Variants in ABCC8 observed in about 807,000 individuals in gnomAD.
ABCC8 encodes the protein ATP-binding cassette sub-family C member 8.
ABCC8 carries 137 observed loss-of-function variants against 188.0 expected under a neutral mutation model. The observed-to-expected ratio is 0.73, with a 90% CI of 0.63 to 0.84. The LOEUF is 0.84. ABCC8 is among the 40% of genes least tolerant of loss of function. The pLI is 0.00. For synonymous variants in ABCC8, 797 were observed against 846.5 expected (o/e 0.94, Z 1.01); for missense variants, 1,750 against 2,072.7 (o/e 0.84, Z 3.02).
At chr11:17,435,472 CT>C (rs1564935570) in intron 10 of ABCC8, among the ~76,000 whole-genome samples, 1 of 152,220 alleles carries the variant, frequency 6.6e-6, no homozygotes. Flanking sequence ...GCCACCCCAT[CT>C]TTAGAAACAA....
rs561593131 is a variant in ABCC8, at chr11:17,412,683, C to T, written c.2539G>A (p.Ala847Thr). 43 of 1,611,708 alleles carry T rather than the reference C, an allele frequency of 2.7e-5. 1 individual carries two copies. The highest frequency in any genetic ancestry group is 4.4e-5 in the South Asian group (4 of 90,406). Residue 847 changes from alanine (A) to threonine (T), a missense_variant, in exon 21 of 39, where the codon GCC becomes ACC. By Grantham distance (58) the Ala-to-Thr change is moderately conservative. Transcript: ENST00000389817. The part of the protein sequence containing the change: ...ISVARALYQH[A>T]NVVFLDDPFS... The stretch of plus-strand genomic sequence containing the variant: ...GCACTCACCAAGAAGACAACGTTGG[C>T]GTGCTGGTAGAGGGCTCGGGCCACA...
rs1024921376 is a variant in ABCC8, at chr11:17,463,713, G to A, written c.413-109C>T. On this transcript the variant is annotated intron_variant, in intron 3 of 38. Coordinates refer to ENST00000389817, the MANE Select transcript of ABCC8 (RefSeq NM_000352.6). ...GAAGGAGACAGAATAAGCGTGCCTG[G>A]GTGTGTACATTTCCGAGTAAGTGGA... 2.7e-5 allele frequency: 39 copies of A among 1,428,586 alleles called. 1 individual carries two copies. The South Asian group carries it at 5.0e-4, about 18-fold the overall frequency. The allele number at this position is 1,428,586 out of a possible 1,614,324, so 88.5% of individuals were successfully genotyped here.
At chr11:17,471,215 T>G (rs188694851) in intron 2 of ABCC8, among the ~76,000 whole-genome samples, 1 of 152,318 alleles carries the variant, frequency 6.6e-6, no homozygotes, top group African/African-American at 2.4e-5. Context: ...GGGGCTGCCA[T>G]GCTCAGAGCT....
Position 17,430,485 on chromosome 11 carries a change from G to C in ABCC8, c.1817+329C>G, listed in dbSNP as rs1206914026. ...GGATGGCCTCATTCTTGGTGGCTCT[G>C]GAGGGTGAAGTTAGGACCAGTGGGT... On this transcript the variant is annotated intron_variant, in intron 12 of 38. Transcript: ENST00000389817. 4 of 392,438 alleles carry C rather than the reference G, an allele frequency of 1.0e-5. No homozygotes were observed. In the Admixed American group the frequency reaches 1.4e-4, roughly 14 times the overall value. 24.3% of individuals were successfully genotyped at this position (392,438 alleles called of 1,614,324 possible).
Position 17,474,862 on chromosome 11 carries a change from C to T in ABCC8, c.290+24G>A, listed in dbSNP as rs192360499. 2,856 of 1,613,090 alleles carry T rather than the reference C, an allele frequency of 1.8e-3. 4 individuals carry two copies. Among genetic ancestry groups the T allele is most frequent in the Non-Finnish European group, 2.0e-3 (2,317 of 1,179,016 alleles). ...AGTACCCTGGAGCAGATTCACTTTC[C>T]TGAGTCCTCAGACAGTCACTCACCC... On this transcript the variant is annotated intron_variant, in intron 2 of 38. Coordinates refer to ENST00000389817, the MANE Select transcript of ABCC8 (RefSeq NM_000352.6).
chr11:17,397,120 G>A, intron 32 of ABCC8, 73 bp downstream of exon 32: 1 of 1,613,496 alleles, frequency 6.2e-7, no homozygotes, highest in Non-Finnish European at 8.5e-7. Flanking sequence ...CCATCCCCAG[G>A]CTCCCTTGTG....
rs576340695 is a variant in ABCC8, at chr11:17,397,174, C to G, written c.3988+19G>C. ...CTCCTCCTTGGACTCTTCCCCACCC[C>G]TCTCCCTGAGCCTCTCACCCAGGAG... On this transcript the variant is annotated intron_variant, in intron 32 of 38. Coordinates refer to ENST00000389817, the MANE Select transcript of ABCC8 (RefSeq NM_000352.6). 2.0e-5 allele frequency: 33 copies of G among 1,613,504 alleles called. No individual in the cohort carries two copies. In the Middle Eastern group the frequency reaches 4.9e-4, roughly 24 times the overall value.
In ABCC8 at chr11:17,405,407, C is replaced by A. The variant is rs1459318261; in HGVS notation, c.3399+87G>T. The A allele has an allele frequency of 1.3e-5, 20 of 1,592,542 alleles. No individual in the cohort carries two copies. In the Admixed American group the frequency reaches 3.3e-4, roughly 27 times the overall value. ...TCCCAGAGGGCTGTGATCACCTGAT[C>A]TGGGGAACCCAGCCTCAGACAGGAG... On this transcript the variant is annotated intron_variant, in intron 27 of 38. Transcript: ENST00000389817.
chr11:17,471,133 G>A (rs907517601), intron 2 of ABCC8, among the ~76,000 whole-genome samples: 19 of 152,256 alleles, frequency 1.2e-4, no homozygotes, highest in Admixed American at 1.0e-3. Flanking sequence ...CCTCAGTGCT[G>A]CTGTTGCCCA....
chr11:17,472,523 G>A (rs1246115995), intron 2 of ABCC8, among the ~76,000 whole-genome samples: 1 of 152,132 alleles, frequency 6.6e-6, no homozygotes, highest in Non-Finnish European at 1.5e-5. Context: ...TAAATTTCCA[G>A]ACAGCTCTGA....
rs1002378482 is a variant in ABCC8, at chr11:17,466,443, T to A, written c.413-2839A>T. Among the ~76,000 whole-genome samples, 12 of 149,064 alleles carry A rather than the reference T, an allele frequency of 8.1e-5. No homozygotes were observed. The East Asian group carries it at 2.3e-3, about 29-fold the overall frequency. The stretch of plus-strand genomic sequence containing the variant: ...AAGACAGTGCATGATGCCGCTTAGA[T>A]GAGGTACCTAGAGTGCTCAAATTCA... On this transcript the variant is annotated intron_variant, in intron 3 of 38. Transcript: ENST00000389817.
intron 23 of ABCC8, 60 bp downstream of exon 23, chr11:17,408,332 G>T: frequency 6.6e-7 from 1 of 1,522,962 alleles, no homozygotes; most frequent in Non-Finnish European, 9.0e-7. Flanking sequence ...TATGAGTTCA[G>T]GTTCTAGCAG....
chr11:17,413,545 A>G, intron 19 of ABCC8, 67 bp from the exon 20 acceptor site: 1 of 1,612,102 alleles, frequency 6.2e-7, no homozygotes, highest in Non-Finnish European at 8.5e-7. Context: ...GCACTTGCAG[A>G]GGGTCATTAG....
chr11:17,409,724 A>G (rs1057125567), intron 22 of ABCC8, among the ~76,000 whole-genome samples: 2 of 152,206 alleles, frequency 1.3e-5, no homozygotes, highest in African/African-American at 4.8e-5. Context: ...GGCAAGACCT[A>G]GAGTTCAAAA....
chr11:17,448,770 A>G, intron 7 of ABCC8, 99 bp from the exon 8 acceptor site: 1 of 1,601,068 alleles, frequency 6.2e-7, no homozygotes, highest in South Asian at 1.1e-5. Context: ...CTTCTCAGAC[A>G]GTCCCCATGG....
chr11:17,425,480 C>T (rs1564919991), intron 16 of ABCC8, among the ~76,000 whole-genome samples: 2 of 151,888 alleles, frequency 1.3e-5, no homozygotes. Flanking sequence ...GAAAGCTTGC[C>T]CTTCTGCTGA....
At chr11:17,434,984 CGTGTGTGT>C (rs57580521) in intron 10 of ABCC8, among the ~76,000 whole-genome samples, 6 of 144,648 alleles carry the variant, frequency 4.1e-5, no homozygotes, top group Non-Finnish European at 6.0e-5. Context: ...CGTGTGTTCG[CGTGTGTGT>C]GTGTGTGTGT....
chr11:17,417,130 T>C, intron 16 of ABCC8, 168 bp from the exon 17 acceptor site: 2 of 916,926 alleles, frequency 2.2e-6, no homozygotes, highest in Non-Finnish European at 2.6e-6. Flanking sequence ...TCTCAATCTC[T>C]GTCCCTCCCA....
intron 16 of ABCC8, among the ~76,000 whole-genome samples, chr11:17,425,290 GA>G (rs1955530544): frequency 6.6e-6 from 1 of 152,184 alleles, no homozygotes; most frequent in South Asian, 2.1e-4. Context: ...CCCCACTGAG[GA>G]GGGAAATTTG....
Sources: gnomAD v4.1 joint callset for allele counts (sites outside exome capture counted in the v4.1 genomes callset) on GRCh38, gnomAD v4.1.1 for gene constraint, MANE v1.5 for transcripts, NCBI Gene and HGNC (gene_info 2026-07-23, HGNC 2026-07-21) for gene names.